METTL4: variants seen among roughly 807,000 people sequenced by gnomAD.
METTL4 encodes the protein N(6)-adenine-specific methyltransferase METTL4.
A neutral mutation model predicts 54.0 loss-of-function variants in METTL4; 40 were observed. The ratio of observed to expected loss-of-function variants is 0.74; its 90% CI spans 0.58 to 0.96. The LOEUF (loss-of-function observed/expected upper bound fraction) is 0.96, where lower values mean the gene tolerates loss of function less well. Among genes scored for constraint, METTL4 ranks in the 50% least tolerant of loss-of-function variants. The pLI is 0.00. For synonymous variants in METTL4, 169 were observed against 183.8 expected, an observed-to-expected ratio of 0.92 and a Z score of 0.65; for missense variants, 525 against 549.0, an observed-to-expected ratio of 0.96 and a Z score of 0.44.
At chr18:2,551,840 A>T (rs1477405920) in intron 5 of METTL4, among the ~76,000 whole-genome samples, 1 of 152,202 alleles carries the variant, frequency 6.6e-6, no homozygotes, top group Non-Finnish European at 1.5e-5. Flanking sequence ...AGGAAATTGG[A>T]ATTTTTTCAT....
At chr18:2,563,495 C>T (rs193149190) in intron 3 of METTL4, among the ~76,000 whole-genome samples, 1 of 149,570 alleles carries the variant, frequency 6.7e-6, no homozygotes, top group Non-Finnish European at 1.5e-5. Context: ...TCAGAGGAGG[C>T]CAAGGCATGA....
At chr18:2,565,884 A>G (rs1277677381) in intron 2 of METTL4, among the ~76,000 whole-genome samples, 2 of 152,010 alleles carry the variant, frequency 1.3e-5, no homozygotes, top group South Asian at 2.1e-4. Flanking sequence ...CGTCTCTACT[A>G]AAAATACAAA....
chr18:2,559,083 T>C (rs1443075477), intron 3 of METTL4, among the ~76,000 whole-genome samples: 1 of 152,074 alleles, frequency 6.6e-6, no homozygotes, highest in Non-Finnish European at 1.5e-5. Context: ...AATCACAGAA[T>C]TACGATAAAA....
Position 2,547,430 on chromosome 18 carries a change from C to T in METTL4, c.999G>A (p.Lys333=), listed in dbSNP as rs774085971. 1 of 1,612,076 alleles carries T rather than the reference C, an allele frequency of 6.2e-7. No individual in the cohort carries two copies. The highest frequency in any genetic ancestry group is 1.1e-5 in the South Asian group (1 of 90,844). ...GTTCTTCCTTTATAAAACGTAGGTG[C>T]TTCTGTCTATTGGTCACCCAAGTAA... ...LLVTWVTNRQ[K]HLRFIKEELY... is the part of the protein sequence containing the mutation. Residue 333 remains lysine, a synonymous_variant, in exon 6 of 9, where the codon AAG becomes AAA. Transcript: ENST00000574538.
intron 8 of METTL4, 126 bp downstream of exon 8, chr18:2,544,069 T>C (rs193297742): frequency 2.4e-5 from 15 of 612,912 alleles, no homozygotes; most frequent in Middle Eastern, 3.6e-4. Flanking sequence ...CTATAAAGTT[T>C]TAGAATATTC....
At chr18:2,552,868 A>G in intron 4 of METTL4, 104 bp from the exon 5 acceptor site, 1 of 693,162 alleles carries the variant, frequency 1.4e-6, no homozygotes, top group Non-Finnish European at 2.5e-6. Context: ...GGACACGAAT[A>G]TAATGGAATG....
chr18:2,551,649 T>C (rs542502658), intron 5 of METTL4, among the ~76,000 whole-genome samples: 146 of 151,920 alleles, frequency 9.6e-4, no homozygotes, highest in African/African-American at 3.1e-3. Flanking sequence ...TGAGCTGTGA[T>C]TGCACCACTG....
rs184507103 is a variant in METTL4 at position 2,560,752 on chromosome 18, G to A, written c.459+3045C>T. On this transcript the variant is annotated intron_variant, in intron 3 of 8. Coordinates refer to ENST00000574538, the MANE Select transcript of METTL4 (RefSeq NM_022840.5). ...AAATTAGCTGGGCGTAGTGGCGGGC[G>A]CCTGTAATCCCAGCTACTCGGGAGG... 6.3e-3 allele frequency among the ~76,000 whole-genome samples: 962 copies of A among 151,960 alleles called. 5 individuals carry two copies. The highest frequency in any genetic ancestry group is 0.02 in the Middle Eastern group (6 of 294).
intron 2 of METTL4, among the ~76,000 whole-genome samples, chr18:2,564,385 G>A (rs1253116213): frequency 1.3e-5 from 2 of 152,166 alleles, no homozygotes; most frequent in Non-Finnish European, 2.9e-5. Context: ...TGTAGCATCA[G>A]CACCCATGAA....
chr18:2,555,111 T>C, intron 3 of METTL4, 73 bp from the exon 4 acceptor site: 2 of 1,425,884 alleles, frequency 1.4e-6, no homozygotes, highest in African/African-American at 1.4e-5. Flanking sequence ...TTTGAATATC[T>C]GAGTTTATAA....
chr18:2,541,084 G>C (rs2071987041), intron 8 of METTL4, among the ~76,000 whole-genome samples: 2 of 152,132 alleles, frequency 1.3e-5, no homozygotes, highest in Non-Finnish European at 2.9e-5. Flanking sequence ...AATGTAGTAA[G>C]TTTTTGCATG....
chr18:2,540,276 T>A, intron 8 of METTL4: 1 of 983,644 alleles, frequency 1.0e-6, no homozygotes, highest in Non-Finnish European at 1.2e-6. Context: ...GCTAACCACC[T>A]AATAGGAATT....
intron 3 of METTL4, among the ~76,000 whole-genome samples, chr18:2,557,048 C>G (rs2072249310): frequency 6.6e-6 from 1 of 151,826 alleles, no homozygotes. Context: ...AATCGATAGC[C>G]CCAGCAAATT....
In METTL4 at chr18:2,554,945, C is replaced by A. The variant is rs1323643763; in HGVS notation, c.553G>T (p.Gly185Cys). Residue 185 changes from glycine (G) to cysteine (C), a missense_variant, in exon 4 of 9, where the codon GGT (glycine) becomes TGT (cysteine). By Grantham distance (159) the Gly-to-Cys change is radical. Transcript: ENST00000574538. ...AGTGGTAAAGTAATGGGCTTACTACCCTTGTCCTGTTTTTCAAAAAGTGGA... is the reference window on the plus strand; with the variant it reads ...AGTGGTAAAGTAATGGGCTTACTACACTTGTCCTGTTTTTCAAAAAGTGGA... The part of the protein sequence containing the change: ...LYPLFEKQDK[G>C]SKPITLPLDA... 4 of 1,614,040 alleles carry A rather than the reference C, an allele frequency of 2.5e-6. No individual in the cohort carries two copies. In the South Asian group the frequency reaches 4.4e-5, roughly 18 times the overall value.
Position 2,538,412 on chromosome 18 carries a change from G to T in METTL4, c.*588C>A. 6.5e-6 allele frequency: 1 copy of T among 153,108 alleles called. No homozygotes were observed. Among genetic ancestry groups the T allele is most frequent in the East Asian group, 1.9e-4 (1 of 5,206 alleles). The allele number at this position is 153,108 out of a possible 1,614,324, so 9.5% of individuals were successfully genotyped here. A position where few individuals can be genotyped will look rare whatever the true frequency, so the allele number is the denominator to read the frequency against. On this transcript the variant is annotated 3_prime_UTR_variant, in exon 9 of 9. Transcript: ENST00000574538. The stretch of plus-strand genomic sequence containing the variant: ...CAGTATACCAGAGGTTGCAAATTCA[G>T]GTCATACAAGGGCCAAGTGGATGAC...
intron 3 of METTL4, among the ~76,000 whole-genome samples, chr18:2,558,279 A>G (rs1234032115): frequency 1.3e-5 from 2 of 152,328 alleles, no homozygotes; most frequent in Non-Finnish European, 2.9e-5. Context: ...TCTATACCCC[A>G]TTGGATTTAA....
At chr18:2,551,553 C>T (rs1259729874) in intron 5 of METTL4, among the ~76,000 whole-genome samples, 7 of 151,924 alleles carry the variant, frequency 4.6e-5, no homozygotes, top group African/African-American at 7.3e-5. Flanking sequence ...TTTAAATAGC[C>T]GAGTGTAGTG....
intron 1 of METTL4, chr18:2,568,916 C>G (rs2072461988): frequency 4.4e-6 from 1 of 228,822 alleles, no homozygotes; most frequent in Non-Finnish European, 9.0e-6. Flanking sequence ...GACCTAAATA[C>G]CCAGCAGCAC....
intron 6 of METTL4, among the ~76,000 whole-genome samples, chr18:2,544,990 ACT>A (rs2072050788): frequency 6.6e-6 from 1 of 152,158 alleles, no homozygotes; most frequent in Non-Finnish European, 1.5e-5. Context: ...TACTTGAAAT[ACT>A]GTCATTTCAA....
Sources: gnomAD v4.1 joint callset for allele counts (sites outside exome capture counted in the v4.1 genomes callset) on GRCh38, gnomAD v4.1.1 for gene constraint, MANE v1.5 for transcripts, NCBI Gene and HGNC (gene_info 2026-07-23, HGNC 2026-07-21) for gene names.